Variants in MAP3K15 observed in about 807,000 individuals in gnomAD.
MAP3K15 encodes the protein MAPK/ERK kinase kinase 15.
In MAP3K15, 124 loss-of-function variants were observed where a neutral mutation model predicts 99.5. The observed-to-expected ratio is 1.25, with a 90% CI of 1.08 to 1.45. The LOEUF is 1.45. Ranked by LOEUF, MAP3K15 falls within the 40% of genes most tolerant of loss-of-function variation. The pLI, the probability that MAP3K15 is intolerant of heterozygous loss-of-function variation, is 0.00. For synonymous variants in MAP3K15, 494 were observed against 439.6 expected, an observed-to-expected ratio of 1.12 and a Z score of -1.55; for missense variants, 1,242 against 1,079.7, an observed-to-expected ratio of 1.15 and a Z score of -2.11.
chrX:19,374,809 A>C, intron 19 of MAP3K15, 149 bp from the exon 20 acceptor site: 1 of 472,323 alleles, frequency 2.1e-6, no homozygotes, highest in Non-Finnish European at 3.5e-6. Flanking sequence ...TGTTCCTCCC[A>C]CCCCAAGGTG....
At chrX:19,418,874 G>A (rs772095526) in intron 9 of MAP3K15, among the ~76,000 whole-genome samples, 269 of 111,650 alleles carry the variant, frequency 2.4e-3, no homozygotes, top group Middle Eastern at 4.6e-3. Flanking sequence ...AGAGAGTGGG[G>A]GCCAATATTC....
At chrX:19,436,652 T>A (rs181043541) in intron 6 of MAP3K15, among the ~76,000 whole-genome samples, 3 of 111,267 alleles carry the variant, frequency 2.7e-5, no homozygotes, top group East Asian at 5.6e-4. Flanking sequence ...TGTTGATACC[T>A]CAAACTTAAC....
chrX:19,464,379 G>T lies in MAP3K15; in HGVS notation c.553C>A (p.Pro185Thr). 8.4e-7 allele frequency: 1 copy of T among 1,188,057 alleles called. No individual in the cohort carries two copies. The highest frequency in any genetic ancestry group is 1.1e-6 in the Non-Finnish European group (1 of 887,630). ...TCAGCGCACGGTGTCACGATGTATG[G>T]GATGAAATAATAATTTCCACTGGAT... Reference protein sequence around the residue: ...TASSGNYYFIPYIVTPCADYF... With the variant: ...TASSGNYYFITYIVTPCADYF... Residue 185 changes from proline to threonine, a missense_variant, in exon 4 of 29, where the codon CCA becomes ACA. By Grantham distance (38) the Pro-to-Thr change is conservative. Coordinates refer to ENST00000338883, the MANE Select transcript of MAP3K15 (RefSeq NM_001001671.4).
At chrX:19,397,283 C>T (rs1383572642) in intron 15 of MAP3K15, among the ~76,000 whole-genome samples, 1 of 111,126 alleles carries the variant, frequency 9.0e-6, no homozygotes, top group Non-Finnish European at 1.9e-5. Flanking sequence ...AGTCCAAAAT[C>T]CATGTGTGAG....
rs770179781 is a variant in MAP3K15, at chrX:19,360,163, A to AGTTT, written c.*582_*585dup. 1 of 150,770 alleles carries AGTTT rather than the reference A, an allele frequency of 6.6e-6. No homozygotes were observed. The highest frequency in any genetic ancestry group is 1.3e-5 in the Non-Finnish European group (1 of 77,643). 12.4% of individuals were successfully genotyped at this position (150,770 alleles called of 1,213,427 possible). A position where few individuals can be genotyped will look rare whatever the true frequency, so the allele number is the denominator to read the frequency against. On this transcript the variant is annotated 3_prime_UTR_variant, in exon 29 of 29. Coordinates refer to ENST00000338883, the MANE Select transcript of MAP3K15 (RefSeq NM_001001671.4). Reference sequence around the variant, plus strand: ...AATCATTTCAAAGGCCACATAACTTAGTTTTCTCTACTTACACATTCAGTA... The same window carrying AGTTT: ...AATCATTTCAAAGGCCACATAACTTAGTTTGTTTTCTCTACTTACACATTCAGTA...
rs1164381601 is a variant in MAP3K15 at position 19,515,035 on chromosome X, G to A, written c.227C>T (p.Ala76Val). The A allele has an allele frequency of 2.9e-6, 3 of 1,040,249 alleles. No individual in the cohort carries two copies. Among genetic ancestry groups the A allele is most frequent in the Non-Finnish European group, 3.7e-6 (3 of 802,098 alleles). The allele number at this position is 1,040,249 out of a possible 1,213,427, so 85.7% of individuals were successfully genotyped here. A position where few individuals can be genotyped will look rare whatever the true frequency, so the allele number is the denominator to read the frequency against. Reference sequence around the variant, plus strand: ...CCGCGCCCCAGCCTCCGGGCCGCCGGCCGCGCCGCCCTGGGAGCTCTCACT... The same window carrying A: ...CCGCGCCCCAGCCTCCGGGCCGCCGACCGCGCCGCCCTGGGAGCTCTCACT... ...VRSESSQGGA[A>V]GGPEAGARQC... Residue 76 changes from alanine (A) to valine (V), a missense_variant, in exon 1 of 29, where the codon GCC (alanine) becomes GTC (valine). By Grantham distance (64) the Ala-to-Val change is moderately conservative. Coordinates refer to ENST00000338883, the MANE Select transcript of MAP3K15 (RefSeq NM_001001671.4).
intron 3 of MAP3K15, among the ~76,000 whole-genome samples, chrX:19,466,907 G>A (rs2064173232): frequency 9.0e-6 from 1 of 111,712 alleles, no homozygotes; most frequent in African/African-American, 3.3e-5. Flanking sequence ...GTCCAACCGG[G>A]GCCCATGGAC....
chrX:19,470,594 T>C (rs1178968940), intron 3 of MAP3K15, among the ~76,000 whole-genome samples: 1 of 95,393 alleles, frequency 1.0e-5, no homozygotes, highest in Non-Finnish European at 2.1e-5. Flanking sequence ...TGCAGAAAAA[T>C]AGACTTCACT....
At chrX:19,479,683 A>G (rs1489843308) in intron 3 of MAP3K15, among the ~76,000 whole-genome samples, 1 of 112,588 alleles carries the variant, frequency 8.9e-6, no homozygotes, top group Non-Finnish European at 1.9e-5. Flanking sequence ...TTCCAAGGTT[A>G]AACAGATAAA....
chrX:19,406,018 C>T (rs2063645241), intron 13 of MAP3K15, among the ~76,000 whole-genome samples: 1 of 111,751 alleles, frequency 8.9e-6, no homozygotes, highest in Admixed American at 9.6e-5. Context: ...TATCATTAGT[C>T]GTCAGGAAAA....
At chrX:19,500,319 G>A (rs766319351) in intron 1 of MAP3K15, among the ~76,000 whole-genome samples, 1 of 111,933 alleles carries the variant, frequency 8.9e-6, no homozygotes, top group Non-Finnish European at 1.9e-5. Flanking sequence ...AGGTAAAGAA[G>A]AAATGAGAAC....
At chrX:19,379,294 CT>C (rs995651452) in intron 19 of MAP3K15, among the ~76,000 whole-genome samples, 116 of 101,125 alleles carry the variant, frequency 1.1e-3, no homozygotes, top group Admixed American at 1.1e-3. Flanking sequence ...TTTCCTTTTT[CT>C]TTTTTTTTTT....
chrX:19,435,896 G>A (rs958544921), intron 6 of MAP3K15, among the ~76,000 whole-genome samples: 1 of 112,551 alleles, frequency 8.9e-6, no homozygotes, highest in Non-Finnish European at 1.9e-5. Context: ...GCTCACGCCT[G>A]TAATCCCAGC....
intron 15 of MAP3K15, among the ~76,000 whole-genome samples, chrX:19,396,419 A>G (rs1569209877): frequency 8.9e-6 from 1 of 112,192 alleles, no homozygotes; most frequent in Non-Finnish European, 1.9e-5. Flanking sequence ...AATAGATACA[A>G]CTGCAACACC....
chrX:19,410,116 A>T, intron 11 of MAP3K15, 143 bp from the exon 12 acceptor site: 1 of 424,895 alleles, frequency 2.4e-6, no homozygotes, highest in Non-Finnish European at 4.1e-6. Context: ...CACCTTGTAT[A>T]ACATGGAACA....
chrX:19,507,267 G>A (rs1017060874), intron 1 of MAP3K15, among the ~76,000 whole-genome samples: 1 of 111,188 alleles, frequency 9.0e-6, no homozygotes, highest in Non-Finnish European at 1.9e-5. Flanking sequence ...AGCATCCCAG[G>A]AGGATAGTTT....
At chrX:19,400,863 C>T (rs1043729627) in intron 13 of MAP3K15, among the ~76,000 whole-genome samples, 200 bp from the exon 14 acceptor site, 1 of 111,634 alleles carries the variant, frequency 9.0e-6, no homozygotes. Context: ...ACCTGAATCC[C>T]CTCTGTATAG....
intron 18 of MAP3K15, among the ~76,000 whole-genome samples, chrX:19,391,371 C>A (rs1006975287): frequency 1.8e-5 from 2 of 111,241 alleles, no homozygotes; most frequent in African/African-American, 6.5e-5. Context: ...GGTTGAGTGA[C>A]CTTCAGAAAG....
chrX:19,467,142 T>C (rs1012103235), intron 3 of MAP3K15, among the ~76,000 whole-genome samples: 3 of 111,535 alleles, frequency 2.7e-5, no homozygotes, highest in Non-Finnish European at 3.8e-5. Flanking sequence ...CCTGAGGGCA[T>C]GTAGCAAATG....
Sources: gnomAD v4.1 joint callset for allele counts (sites outside exome capture counted in the v4.1 genomes callset) on GRCh38, gnomAD v4.1.1 for gene constraint, MANE v1.5 for transcripts, NCBI Gene and HGNC (gene_info 2026-07-23, HGNC 2026-07-21) for gene names.